MYO9A: variants seen among roughly 807,000 people sequenced by gnomAD.
MYO9A encodes myosin IXA, also known as unconventional myosin-IXa.
Under a neutral mutation model 293.3 loss-of-function variants are expected in MYO9A, and 103 were observed. The observed-to-expected ratio is 0.35, with a 90% CI of 0.30 to 0.41. The LOEUF is 0.41. Among genes scored for constraint, MYO9A ranks in the 10% least tolerant of loss-of-function variants. The pLI, the probability that MYO9A is intolerant of heterozygous loss-of-function variation, is 1.00. For synonymous variants in MYO9A, 1,001 were observed against 1,035.7 expected (o/e 0.97, Z 0.64); for missense variants, 2,685 against 3,033.0 (o/e 0.89, Z 2.69).
intron 1 of MYO9A, among the ~76,000 whole-genome samples, chr15:72,105,397 T>C (rs2080530555): frequency 6.6e-6 from 1 of 152,070 alleles, no homozygotes; most frequent in Non-Finnish European, 1.5e-5. Flanking sequence ...CTAGTTCTTT[T>C]GTTTGTTTTG....
intron 2 of MYO9A, among the ~76,000 whole-genome samples, 165 bp from the exon 3 acceptor site, chr15:72,032,753 T>A (rs1295379080): frequency 2.6e-5 from 4 of 151,984 alleles, no homozygotes; most frequent in Non-Finnish European, 5.9e-5. Context: ...TCAGGCAAAA[T>A]TTTTTTAAAA....
In MYO9A at chr15:72,046,275, G is replaced by A. The variant is rs201853604; in HGVS notation, c.289C>T (p.Arg97Cys). 3.7e-5 allele frequency: 59 copies of A among 1,613,982 alleles called. No individual in the cohort carries two copies. In the East Asian group the frequency reaches 5.3e-4, roughly 15 times the overall value. Reference protein sequence around the residue: ...MLWPRMALENRLSGEDYRFLL... With the variant: ...MLWPRMALENCLSGEDYRFLL... ...AAGCGGTAGTCCTCTCCACTTAAGC[G>A]ATTTTCCAGAGCCATTCGGGGCCAC... The change falls in exon 2 of 42, where the codon CGC (arginine) becomes TGC (cysteine). Residue 97 changes from arginine (R) to cysteine (C), a missense_variant. Physicochemically the swap from Arg to Cys is radical, Grantham distance 180. Coordinates refer to ENST00000356056, the MANE Select transcript of MYO9A (RefSeq NM_006901.4).
chr15:71,978,063 C>CA, intron 12 of MYO9A, 108 bp downstream of exon 12: 27 of 1,252,630 alleles, frequency 2.2e-5, no homozygotes, highest in Non-Finnish European at 2.9e-5. Flanking sequence ...ATAAATTGTA[C>CA]AAAAAAAATT....
intron 34 of MYO9A, among the ~76,000 whole-genome samples, chr15:71,859,129 C>A (rs1301292734): frequency 3.9e-5 from 6 of 152,212 alleles, no homozygotes; most frequent in African/African-American, 1.2e-4. Context: ...CTGCAAACAA[C>A]ATGCACACAC....
chr15:72,108,143 C>G (rs866453251), intron 1 of MYO9A, among the ~76,000 whole-genome samples: 1 of 152,092 alleles, frequency 6.6e-6, no homozygotes, highest in East Asian at 1.9e-4. Flanking sequence ...TTGTATGGTA[C>G]CAAAGTATCA....
At position 71,857,588 on chromosome 15, in the gene MYO9A, A is replaced by G. The variant is rs1239969911; in HGVS notation, c.6153+2147T>C. Among the ~76,000 whole-genome samples the G allele has an allele frequency of 2.0e-5, 3 of 152,150 alleles. No individual in the cohort carries two copies. In the East Asian group the frequency reaches 5.8e-4, roughly 29 times the overall value. On this transcript the variant is annotated intron_variant, in intron 34 of 41. Coordinates refer to ENST00000356056, the MANE Select transcript of MYO9A (RefSeq NM_006901.4). ...GGATATTATATAAATGGAAAAACAG[A>G]GTATGTGCACCTTGAGTTAGTTTAA...
intron 12 of MYO9A, among the ~76,000 whole-genome samples, chr15:71,973,006 C>T (rs947302716): frequency 6.6e-6 from 1 of 152,042 alleles, no homozygotes; most frequent in Non-Finnish European, 1.5e-5. Flanking sequence ...AATAAATAAT[C>T]CCTTAATTAT....
At chr15:72,085,795 T>C (rs556395941) in intron 1 of MYO9A, among the ~76,000 whole-genome samples, 1 of 152,142 alleles carries the variant, frequency 6.6e-6, no homozygotes, top group African/African-American at 2.4e-5. Context: ...TTCGAAATGG[T>C]TTTTTGTTTT....
intron 34 of MYO9A, 35 bp from the exon 35 acceptor site, chr15:71,854,604 T>A (rs753861817): frequency 6.8e-7 from 1 of 1,469,848 alleles, no homozygotes; most frequent in Non-Finnish European, 9.1e-7. Flanking sequence ...TCCAAATGCA[T>A]TCAAACATCT....
intron 11 of MYO9A, among the ~76,000 whole-genome samples, chr15:71,988,012 C>T (rs1302329867): frequency 8.6e-5 from 13 of 151,998 alleles, no homozygotes; most frequent in East Asian, 1.9e-4. Context: ...ATATATAATA[C>T]GTTTATGGCC....
intron 18 of MYO9A, among the ~76,000 whole-genome samples, chr15:71,927,692 T>A (rs1031880507): frequency 6.6e-6 from 1 of 152,028 alleles, no homozygotes. Flanking sequence ...TTATTTTTTT[T>A]AAACCCATGT....
chr15:72,024,295 T>G lies in MYO9A; in HGVS notation c.999-3278A>C, dbSNP rs1029879825. 2.6e-5 allele frequency among the ~76,000 whole-genome samples: 4 copies of G among 152,328 alleles called. No individual in the cohort carries two copies. In the South Asian group the frequency reaches 8.3e-4, roughly 32 times the overall value. On this transcript the variant is annotated intron_variant, in intron 4 of 41. Coordinates refer to ENST00000356056, the MANE Select transcript of MYO9A (RefSeq NM_006901.4). Reference sequence around the variant, plus strand: ...AGTATAAATTAATTAACTCATTGATTGATTGATTGACAGGATCTCACTCTG... The same window carrying G: ...AGTATAAATTAATTAACTCATTGATGGATTGATTGACAGGATCTCACTCTG...
chr15:72,029,998 T>C (rs2077812016), intron 3 of MYO9A, among the ~76,000 whole-genome samples: 1 of 152,210 alleles, frequency 6.6e-6, no homozygotes, highest in African/African-American at 2.4e-5. Flanking sequence ...ACTGCACTGC[T>C]CACTTTCTTC....
intron 7 of MYO9A, among the ~76,000 whole-genome samples, chr15:72,008,436 G>GGTGTGTGTGTGTGTGTGTGT (rs57267628): frequency 7.2e-6 from 1 of 138,738 alleles, no homozygotes; most frequent in African/African-American, 2.7e-5. Context: ...GAGGTAAATG[G>GGTGTGTGTGTGTGTGTGTGT]GTGTGTGTGT....
chr15:71,909,480 A>C (rs1244756593), intron 19 of MYO9A, among the ~76,000 whole-genome samples: 3 of 152,120 alleles, frequency 2.0e-5, no homozygotes, highest in African/African-American at 4.8e-5. Flanking sequence ...TTTTGTTTTA[A>C]TTTGCAATTC....
chr15:71,832,716 C>T (rs1407923650), intron 39 of MYO9A, among the ~76,000 whole-genome samples: 3 of 151,986 alleles, frequency 2.0e-5, no homozygotes, highest in Admixed American at 6.6e-5. Flanking sequence ...GAAAATGTCT[C>T]GAAGAAAAGT....
intron 3 of MYO9A, among the ~76,000 whole-genome samples, chr15:72,029,849 A>G (rs2077807171): frequency 6.6e-6 from 1 of 152,206 alleles, no homozygotes; most frequent in African/African-American, 2.4e-5. Flanking sequence ...AGATTACTGA[A>G]TCCAAATTAT....
chr15:71,910,174 A>ATATATATATATATACGTG, intron 19 of MYO9A, among the ~76,000 whole-genome samples: 1 of 145,526 alleles, frequency 6.9e-6, no homozygotes, highest in African/African-American at 2.5e-5. Context: ...ACGTGTATAT[A>ATATATATATATATACGTG]TATATATAAA....
chr15:71,941,261 C>G (rs1395715732), intron 15 of MYO9A, among the ~76,000 whole-genome samples: 1 of 152,108 alleles, frequency 6.6e-6, no homozygotes, highest in Non-Finnish European at 1.5e-5. Flanking sequence ...CACGGTAAAA[C>G]CCCATCTCTA....
Sources: allele counts gnomAD v4.1 joint callset (sites outside exome capture counted in the v4.1 genomes callset), GRCh38; gene constraint gnomAD v4.1.1; transcripts MANE v1.5; gene names NCBI Gene and HGNC (gene_info 2026-07-23, HGNC 2026-07-21).